Variants in TCERG1L observed in about 807,000 individuals in gnomAD.
The protein encoded by TCERG1L is transcription elongation regulator 1-like protein.
In TCERG1L, 37 loss-of-function variants were observed where a neutral mutation model predicts 56.3. The ratio of observed to expected loss-of-function variants is 0.66; its 90% CI spans 0.51 to 0.87. TCERG1L has a LOEUF of 0.87. Among genes scored for constraint, TCERG1L ranks in the 40% least tolerant of loss-of-function variants. The pLI, the probability that TCERG1L is intolerant of heterozygous loss-of-function variation, is 0.00. For missense variants in TCERG1L, 799 were observed against 774.2 expected (o/e 1.03, Z -0.38); for synonymous variants, 324 against 326.3 (o/e 0.99, Z 0.08).
At chr10:131,268,261 T>C (rs1179827387) in intron 3 of TCERG1L, among the ~76,000 whole-genome samples, 1 of 152,182 alleles carries the variant, frequency 6.6e-6, no homozygotes, top group Non-Finnish European at 1.5e-5. Context: ...AATATTTTGA[T>C]AGGAATCTTT....
rs182395770 is a variant in TCERG1L at position 131,093,144 on chromosome 10, T to C, written c.*18A>G. The C allele has an allele frequency of 9.6e-5, 155 of 1,611,706 alleles. No homozygotes were observed. The East Asian group carries it at 2.9e-3, about 30-fold the overall frequency. On this transcript the variant is annotated 3_prime_UTR_variant, in exon 12 of 12. Coordinates refer to ENST00000368642, the MANE Select transcript of TCERG1L (RefSeq NM_174937.4). ...CGCCCAGGGTCAACCCCCGGGCTTA[T>C]TGCATTTTTTCACAAACTCATCTCA...
intron 8 of TCERG1L, among the ~76,000 whole-genome samples, chr10:131,124,658 G>GC (rs1564796451): frequency 2.4e-4 from 37 of 151,874 alleles, no homozygotes; most frequent in Middle Eastern, 6.8e-3. Flanking sequence ...GCTCATCATC[G>GC]CTGCCTGTCC....
chr10:131,294,044 T>C (rs1158334636), intron 3 of TCERG1L, among the ~76,000 whole-genome samples: 1 of 152,224 alleles, frequency 6.6e-6, no homozygotes, highest in Non-Finnish European at 1.5e-5. Flanking sequence ...AATCTCATTT[T>C]TTACTTTTTT....
Position 131,112,953 on chromosome 10 carries a change from G to A in TCERG1L, c.1395+3846C>T, listed in dbSNP as rs1279832522. 1.4e-5 allele frequency among the ~76,000 whole-genome samples: 2 copies of A among 142,196 alleles called. 1 individual carries two copies. The highest frequency in any genetic ancestry group is 3.2e-5 in the Non-Finnish European group (2 of 63,174). 93.3% of individuals were successfully genotyped at this position (142,196 alleles called of 152,430 possible). A position where few individuals can be genotyped will look rare whatever the true frequency, so the allele number is the denominator to read the frequency against. ...TCCCTAGCGTTTAGAGGTGGGAGTG[G>A]CCAGCACAGGCAGAGTTCCCGTGAG... On this transcript the variant is annotated intron_variant, in intron 9 of 11. Coordinates refer to ENST00000368642, the MANE Select transcript of TCERG1L (RefSeq NM_174937.4).
At chr10:131,142,187 G>T (rs1175563521) in intron 7 of TCERG1L, among the ~76,000 whole-genome samples, 1 of 152,260 alleles carries the variant, frequency 6.6e-6, no homozygotes, top group Non-Finnish European at 1.5e-5. Context: ...CGAAGGCCAG[G>T]ATTTCTCCCA....
chr10:131,285,526 G>A (rs11017862), intron 3 of TCERG1L, among the ~76,000 whole-genome samples: 3,817 of 22,378 alleles, frequency 0.17, 372 homozygotes, highest in South Asian at 0.31. Context: ...GAAAGAAAGA[G>A]AGAAAGAAAA....
In TCERG1L at chr10:131,092,568, C is replaced by T. The variant is rs542343739; in HGVS notation, c.*594G>A. ...CGGTGGCAACCAACACGGCTCCCTG[C>T]TCCAGGCCGGGACGCCCCTCTGGGA... On this transcript the variant is annotated 3_prime_UTR_variant, in exon 12 of 12. Transcript: ENST00000368642. The T allele has an allele frequency of 6.5e-5, 10 of 152,744 alleles. No individual in the cohort carries two copies. Among genetic ancestry groups the T allele is most frequent in the African/African-American group, 2.4e-4 (10 of 41,588 alleles). 9.5% of individuals were successfully genotyped at this position (152,744 alleles called of 1,614,324 possible).
Position 131,311,425 on chromosome 10 carries a change from C to T in TCERG1L, c.211G>A (p.Ala71Thr). 8.5e-7 allele frequency: 1 copy of T among 1,176,942 alleles called. No individual in the cohort carries two copies. Among genetic ancestry groups the T allele is most frequent in the Non-Finnish European group, 1.0e-6 (1 of 954,404 alleles). 72.9% of individuals were successfully genotyped at this position (1,176,942 alleles called of 1,614,324 possible). ...VLLASAPPPA[A>T]PLLPGLPGWP... Reference sequence around the variant, plus strand: ...CCGGGGAGACCGGGGAGCAGCGGGGCCGCGGGCGGCGGGGCCGAGGCGAGC... The same window carrying T: ...CCGGGGAGACCGGGGAGCAGCGGGGTCGCGGGCGGCGGGGCCGAGGCGAGC... The change falls in exon 1 of 12, where the codon GCC becomes ACC. Residue 71 changes from alanine to threonine, a missense_variant. Ala to Thr is a moderately conservative substitution (Grantham distance 58). Transcript: ENST00000368642. This position sits in a 1 kb window ranked among gnomAD's most constrained non-coding sequence, Gnocchi z 4.0.
chr10:131,182,670 G>C (rs1339989032), intron 4 of TCERG1L, among the ~76,000 whole-genome samples: 3 of 152,192 alleles, frequency 2.0e-5, no homozygotes, highest in Non-Finnish European at 4.4e-5. Flanking sequence ...AGCATTTGCG[G>C]GCCTGTTAGT....
intron 8 of TCERG1L, among the ~76,000 whole-genome samples, chr10:131,129,579 A>C (rs890092295): frequency 6.6e-6 from 1 of 152,128 alleles, no homozygotes. Flanking sequence ...GTTTTTTCAT[A>C]TATTTGTAGA....
intron 5 of TCERG1L, 40 bp downstream of exon 5, chr10:131,166,757 G>A (rs749847319): frequency 6.2e-7 from 1 of 1,600,676 alleles, no homozygotes; most frequent in Admixed American, 1.7e-5. Flanking sequence ...CACACCCAGG[G>A]TTTTGTGTCT....
At position 131,134,431 on chromosome 10, in the gene TCERG1L, A is replaced by G; in HGVS notation, c.1207T>C (p.Ser403Pro). 5.0e-6 allele frequency: 8 copies of G among 1,595,288 alleles called. No homozygotes were observed. Among genetic ancestry groups the G allele is most frequent in the Non-Finnish European group, 6.8e-6 (8 of 1,170,230 alleles). Reference protein sequence around the residue: ...EAPATDNSDGSSSEDNREDQD... With the variant: ...EAPATDNSDGPSSEDNREDQD... ...TCTTCCCTGTTGTCTTCAGAACTGG[A>G]CCCATCGCTGTTGTCAGCTGAAAGA... The change falls in exon 8 of 12, where the codon TCC becomes CCC. Residue 403 changes from serine (S) to proline (P), a missense_variant. Ser to Pro is a moderately conservative substitution (Grantham distance 74, BLOSUM62 -1). Coordinates refer to ENST00000368642, the MANE Select transcript of TCERG1L (RefSeq NM_174937.4).
At chr10:131,186,569 A>G (rs1845247265) in intron 4 of TCERG1L, among the ~76,000 whole-genome samples, 1 of 152,226 alleles carries the variant, frequency 6.6e-6, no homozygotes, top group Non-Finnish European at 1.5e-5. Context: ...TTGGAAGACC[A>G]GGGATAAACA....
intron 7 of TCERG1L, among the ~76,000 whole-genome samples, chr10:131,142,242 A>G (rs1285648758): frequency 6.6e-6 from 1 of 152,156 alleles, no homozygotes; most frequent in African/African-American, 2.4e-5. Context: ...AGCCTCCCAC[A>G]TCGCCCTGAA....
At chr10:131,235,878 T>C (rs193276490) in intron 4 of TCERG1L, among the ~76,000 whole-genome samples, 7 of 152,348 alleles carry the variant, frequency 4.6e-5, no homozygotes, top group Admixed American at 3.3e-4. Flanking sequence ...AATGCATTCA[T>C]CTATTTCTTT....
intron 8 of TCERG1L, among the ~76,000 whole-genome samples, chr10:131,121,792 G>C (rs763333931): frequency 6.6e-6 from 1 of 151,760 alleles, no homozygotes; most frequent in Non-Finnish European, 1.5e-5. Flanking sequence ...CCCTGCAGAC[G>C]GACAGTGCCA....
At chr10:131,221,044 G>A (rs1026428275) in intron 4 of TCERG1L, among the ~76,000 whole-genome samples, 3 of 152,166 alleles carry the variant, frequency 2.0e-5, no homozygotes, top group Non-Finnish European at 4.4e-5. Context: ...AGTACCTGTG[G>A]TGTGGTCACT....
intron 7 of TCERG1L, among the ~76,000 whole-genome samples, chr10:131,144,855 G>A (rs563895747): frequency 6.6e-6 from 1 of 152,136 alleles, no homozygotes; most frequent in Admixed American, 6.5e-5. Flanking sequence ...ATCGAGCTAT[G>A]AGCCAGGAAA....
At chr10:131,109,076 G>C (rs1182987572) in intron 9 of TCERG1L, among the ~76,000 whole-genome samples, 1 of 152,108 alleles carries the variant, frequency 6.6e-6, no homozygotes, top group Non-Finnish European at 1.5e-5. Context: ...TGTGGGGTGG[G>C]GGGGGTGGAG....
Sources: allele counts gnomAD v4.1 joint callset (sites outside exome capture counted in the v4.1 genomes callset), GRCh38; gene constraint gnomAD v4.1.1; non-coding constraint Gnocchi (gnomAD v3.1); transcripts MANE v1.5; gene names NCBI Gene and HGNC (gene_info 2026-07-23, HGNC 2026-07-21).